Variants in ZCCHC14 observed in about 807,000 individuals in gnomAD.
The protein encoded by ZCCHC14 is zinc finger CCHC-type containing 14.
ZCCHC14 carries 16 observed loss-of-function variants against 85.0 expected under a neutral mutation model. That is an observed-to-expected ratio of 0.19 (90% CI 0.13 to 0.29). The LOEUF is 0.29. Ranked by LOEUF, ZCCHC14 falls within the 10% of genes least tolerant of loss-of-function variation. ZCCHC14 has a pLI of 1.00. For synonymous variants in ZCCHC14, 775 were observed against 630.7 expected (o/e 1.23, Z -3.43); for missense variants, 1,303 against 1,443.5 (o/e 0.90, Z 1.58).
chr16:87,410,270 G>A lies in ZCCHC14; in HGVS notation c.*10C>T, dbSNP rs771918301. Reference sequence around the variant, plus strand: ...ATGGCTTAATAACGTTCTGTTGCCAGAGAAAAATATCAATCTGTGGAGTCC... The same window carrying A: ...ATGGCTTAATAACGTTCTGTTGCCAAAGAAAAATATCAATCTGTGGAGTCC... On this transcript the variant is annotated 3_prime_UTR_variant, in exon 13 of 13. Coordinates refer to ENST00000671377, the MANE Select transcript of ZCCHC14 (RefSeq NM_015144.3). 1 of 767,718 alleles carries A rather than the reference G, an allele frequency of 1.3e-6. No individual in the cohort carries two copies. 47.6% of individuals were successfully genotyped at this position (767,718 alleles called of 1,614,324 possible).
intron 2 of ZCCHC14, among the ~76,000 whole-genome samples, chr16:87,458,076 T>C (rs945723846): frequency 6.8e-6 from 1 of 146,292 alleles, no homozygotes; most frequent in African/African-American, 2.6e-5. Flanking sequence ...CAATGACAGA[T>C]ACTCGCTACT....
Position 87,411,524 on chromosome 16 carries a change from T to C in ZCCHC14, c.3197A>G (p.Asn1066Ser), listed in dbSNP as rs777031468. The change falls in exon 12 of 13, where the codon AAC (asparagine) becomes AGC (serine). Residue 1066 changes from asparagine to serine, a missense_variant. Asn to Ser is a conservative substitution (Grantham distance 46). Around this residue, in one of 7 missense-constraint regions of ZCCHC14, gnomAD observed 797 missense variants for 730.8 expected, o/e 1.09. Coordinates refer to ENST00000671377, the MANE Select transcript of ZCCHC14 (RefSeq NM_015144.3). Reference protein sequence around the residue: ...QDCKQPSMDFNRPGTFRLKYA... With the variant: ...QDCKQPSMDFSRPGTFRLKYA... ...CCATGGCGCGCGCTTACCTGGCCGG[T>C]TGAAGTCCATGGACGGCTGTTTGCA... The C allele has an allele frequency of 6.8e-6, 11 of 1,613,356 alleles. No individual in the cohort carries two copies. In the Admixed American group the frequency reaches 1.2e-4, roughly 17 times the overall value.
intron 1 of ZCCHC14, among the ~76,000 whole-genome samples, chr16:87,488,063 A>T (rs540580329): frequency 6.6e-6 from 1 of 152,332 alleles, no homozygotes; most frequent in South Asian, 2.1e-4. Flanking sequence ...TTGCACAGCT[A>T]TATGACTATA....
intron 1 of ZCCHC14, among the ~76,000 whole-genome samples, chr16:87,489,656 C>T (rs1912662238): frequency 6.6e-6 from 1 of 152,134 alleles, no homozygotes; most frequent in Non-Finnish European, 1.5e-5. Flanking sequence ...GTAAATTCAG[C>T]GCCCATGGCC....
chr16:87,459,096 G>A (rs1315677620), intron 2 of ZCCHC14, among the ~76,000 whole-genome samples: 1 of 152,186 alleles, frequency 6.6e-6, no homozygotes, highest in Non-Finnish European at 1.5e-5. Context: ...AGCCACAGGG[G>A]CTCAGGCCGC....
intron 1 of ZCCHC14, among the ~76,000 whole-genome samples, chr16:87,479,182 T>A (rs1374506554): frequency 6.6e-6 from 1 of 152,050 alleles, no homozygotes; most frequent in African/African-American, 2.4e-5. Context: ...CGTGGGAGGC[T>A]GAGGCGGGCA....
chr16:87,478,962 T>G (rs1213750160), intron 1 of ZCCHC14, among the ~76,000 whole-genome samples: 1 of 152,200 alleles, frequency 6.6e-6, no homozygotes, highest in East Asian at 1.9e-4. Flanking sequence ...CTTCTAAATT[T>G]TATTAAAATG....
At chr16:87,423,428 G>A (rs1349579820) in intron 4 of ZCCHC14, among the ~76,000 whole-genome samples, 1 of 152,118 alleles carries the variant, frequency 6.6e-6, no homozygotes, top group Admixed American at 6.5e-5. Context: ...AACAGATAAA[G>A]GTAGAACTAG....
At chr16:87,428,866 T>C (rs1027078965) in intron 3 of ZCCHC14, among the ~76,000 whole-genome samples, 3 of 150,190 alleles carry the variant, frequency 2.0e-5, no homozygotes, top group South Asian at 4.3e-4. Context: ...AGTATCTCAG[T>C]TGTCCATTCT....
chr16:87,436,320 G>A lies in ZCCHC14; in HGVS notation c.695-3119C>T, dbSNP rs533463607. The stretch of plus-strand genomic sequence containing the variant: ...AGAATGGCTAGCCTGGGCAGTGGCG[G>A]CCCCCCGCCAGGGCACCTCCGGGCC... On this transcript the variant is annotated intron_variant, in intron 2 of 12. Transcript: ENST00000671377. 2.0e-5 allele frequency among the ~76,000 whole-genome samples: 3 copies of A among 152,338 alleles called. 1 individual carries two copies. In the South Asian group the frequency reaches 6.2e-4, roughly 32 times the overall value.
At chr16:87,449,039 A>G (rs1381386720) in intron 2 of ZCCHC14, among the ~76,000 whole-genome samples, 1 of 152,202 alleles carries the variant, frequency 6.6e-6, no homozygotes. Context: ...CCCCAGTTCA[A>G]GGAGGATGAG....
chr16:87,476,856 G>A (rs1181192284), intron 1 of ZCCHC14, among the ~76,000 whole-genome samples: 1 of 152,022 alleles, frequency 6.6e-6, no homozygotes, highest in Non-Finnish European at 1.5e-5. Context: ...GCCGGGCGCG[G>A]TGGCTCGTGC....
chr16:87,471,910 T>A (rs982815305), intron 1 of ZCCHC14: 4 of 152,338 alleles, frequency 2.6e-5, no homozygotes, highest in African/African-American at 9.7e-5. Context: ...CTCCTTGCCC[T>A]CCTGTCCAGC....
At chr16:87,485,754 T>C (rs1260921879) in intron 1 of ZCCHC14, among the ~76,000 whole-genome samples, 1 of 152,198 alleles carries the variant, frequency 6.6e-6, no homozygotes, top group Non-Finnish European at 1.5e-5. Context: ...CCTCTTACTA[T>C]TCTATTCTAC....
chr16:87,470,804 CA>C (rs1911741982), intron 1 of ZCCHC14: 1 of 152,324 alleles, frequency 6.6e-6, no homozygotes, highest in South Asian at 2.1e-4. Flanking sequence ...CAGTTGTGTG[CA>C]AACAGGCACT....
intron 2 of ZCCHC14, among the ~76,000 whole-genome samples, chr16:87,456,736 A>T (rs906643914): frequency 6.6e-6 from 1 of 152,058 alleles, no homozygotes; most frequent in African/African-American, 2.4e-5. Context: ...ATTTTTAAAA[A>T]CTCAGTTTTA....
At chr16:87,433,330 T>C in intron 2 of ZCCHC14, 129 bp from the exon 3 acceptor site, 1 of 832,678 alleles carries the variant, frequency 1.2e-6, no homozygotes, top group South Asian at 1.7e-5. Flanking sequence ...GTCACTTTGG[T>C]GGCATCTCAC....
At chr16:87,488,352 C>A (rs1912606238) in intron 1 of ZCCHC14, among the ~76,000 whole-genome samples, 1 of 152,180 alleles carries the variant, frequency 6.6e-6, no homozygotes, top group Admixed American at 6.5e-5. Flanking sequence ...CAAGCAGCAG[C>A]ATTACCGGCC....
chr16:87,437,516 T>C (rs1192678805), intron 2 of ZCCHC14, among the ~76,000 whole-genome samples: 1 of 152,068 alleles, frequency 6.6e-6, no homozygotes, highest in East Asian at 1.9e-4. Flanking sequence ...GCCAAGGCCA[T>C]GAGGAGGCTC....
Sources: allele counts gnomAD v4.1 joint callset (sites outside exome capture counted in the v4.1 genomes callset), GRCh38; gene constraint gnomAD v4.1.1; regional missense constraint gnomAD v4.1.1; transcripts MANE v1.5; gene names NCBI Gene and HGNC (gene_info 2026-07-23, HGNC 2026-07-21).